Variants in RASA1 observed in about 807,000 individuals in gnomAD.
RASA1 encodes RAS p21 protein activator 1.
RASA1 carries 25 observed loss-of-function variants against 132.2 expected under a neutral mutation model. That is an observed-to-expected ratio of 0.19 (90% CI 0.14 to 0.26). The LOEUF (loss-of-function observed/expected upper bound fraction) is 0.26. Among genes scored for constraint, RASA1 ranks in the 10% least tolerant of loss-of-function variants. The pLI, the probability that RASA1 is intolerant of heterozygous loss-of-function variation, is 1.00. For missense variants in RASA1, 964 were observed against 1,299.2 expected (o/e 0.74, Z 3.97); for synonymous variants, 477 against 449.9 (o/e 1.06, Z -0.76).
chr5:87,386,801 A>G (rs766240127), intron 22 of RASA1, 25 bp from the exon 23 acceptor site: 34 of 1,599,086 alleles, frequency 2.1e-5, no homozygotes, highest in Non-Finnish European at 2.6e-5. Context: ...TCTGGTGCAT[A>G]TAACAGAAGC....
intron 1 of RASA1, among the ~76,000 whole-genome samples, chr5:87,274,908 G>A (rs1753999071): frequency 6.6e-6 from 1 of 152,184 alleles, no homozygotes; most frequent in African/African-American, 2.4e-5. Context: ...CTGGTCTACA[G>A]AACTTTTAGT....
intron 8 of RASA1, 120 bp from the exon 9 acceptor site, chr5:87,353,037 T>G: frequency 1.4e-6 from 1 of 702,474 alleles, no homozygotes; most frequent in Non-Finnish European, 2.6e-6. Flanking sequence ...TGTATTTGTG[T>G]TATGTGCTTT....
intron 23 of RASA1, 41 bp from the exon 24 acceptor site, chr5:87,389,352 A>T (rs374868128): frequency 2.4e-5 from 39 of 1,612,198 alleles, no homozygotes; most frequent in Non-Finnish European, 3.1e-5. Flanking sequence ...AAAAAAAAGA[A>T]GATTTGTATT....
intron 19 of RASA1, among the ~76,000 whole-genome samples, 160 bp downstream of exon 19, chr5:87,380,010 C>A (rs1761598062): frequency 6.6e-6 from 1 of 152,050 alleles, no homozygotes; most frequent in South Asian, 2.1e-4. Context: ...AAGAAAATAG[C>A]TGTCTTAATA....
At chr5:87,352,686 A>T (rs2112430392) in intron 8 of RASA1, among the ~76,000 whole-genome samples, 2 of 151,600 alleles carry the variant, frequency 1.3e-5, no homozygotes, top group Non-Finnish European at 3.0e-5. Context: ...CCTGCTTTTC[A>T]TGTGTTTTAT....
chr5:87,387,913 A>AAGTT (rs1762175776), intron 23 of RASA1, among the ~76,000 whole-genome samples: 1 of 152,296 alleles, frequency 6.6e-6, no homozygotes, highest in South Asian at 2.1e-4. Flanking sequence ...ACTGTGTGAG[A>AAGTT]AGTTATGCCA....
chr5:87,331,477 G>A lies in RASA1; in HGVS notation c.669G>A (p.Gln223=). The A allele has an allele frequency of 6.2e-7, 1 of 1,613,820 alleles. No individual in the cohort carries two copies. The highest frequency in any genetic ancestry group is 8.5e-7 in the Non-Finnish European group (1 of 1,179,828). ...CCTTTGTACTTTCATTTCTTAGCCA[G>A]ATGAATGTTGTCAACCATTTTAGGT... is the stretch of plus-strand genomic sequence containing the variant. ...PGSFVLSFLS[Q]MNVVNHFRII... is the part of the protein sequence containing the mutation. The change falls in exon 2 of 25, where the codon CAG becomes CAA. Residue 223 remains glutamine, a synonymous_variant. Transcript: ENST00000274376.
intron 1 of RASA1, among the ~76,000 whole-genome samples, chr5:87,306,262 A>G (rs1755604801): frequency 6.6e-6 from 1 of 152,238 alleles, no homozygotes; most frequent in Non-Finnish European, 1.5e-5. Context: ...TGTGGTACAT[A>G]TATACCATGG....
chr5:87,291,600 G>GT (rs1474401818), intron 1 of RASA1, among the ~76,000 whole-genome samples: 2 of 152,142 alleles, frequency 1.3e-5, no homozygotes, highest in African/African-American at 2.4e-5. Context: ...GGTGAGAGGG[G>GT]TTTGGGTCAT....
At chr5:87,284,651 A>T (rs1455385181) in intron 1 of RASA1, among the ~76,000 whole-genome samples, 1 of 152,192 alleles carries the variant, frequency 6.6e-6, no homozygotes, top group South Asian at 2.1e-4. Context: ...TCATGTAGTA[A>T]TTCTCCACAT....
intron 17 of RASA1, among the ~76,000 whole-genome samples, chr5:87,377,496 A>T (rs747903976): frequency 2.6e-5 from 4 of 151,956 alleles, no homozygotes; most frequent in Non-Finnish European, 5.9e-5. Context: ...ACACCCAGCT[A>T]ATTTTTTATT....
intron 11 of RASA1, 30 bp downstream of exon 11, chr5:87,363,534 G>A (rs767275500): frequency 1.0e-5 from 16 of 1,596,738 alleles, no homozygotes; most frequent in South Asian, 9.9e-5. Context: ...TTTTTCTTTC[G>A]GAATTGTCTT....
At chr5:87,334,144 G>A (rs891984406) in intron 4 of RASA1, among the ~76,000 whole-genome samples, 1 of 152,126 alleles carries the variant, frequency 6.6e-6, no homozygotes, top group Non-Finnish European at 1.5e-5. Context: ...GATGGAGACA[G>A]TAAAGACCCA....
intron 1 of RASA1, among the ~76,000 whole-genome samples, chr5:87,269,479 CTGAT>C (rs1397788880): frequency 6.6e-6 from 1 of 152,194 alleles, no homozygotes; most frequent in African/African-American, 2.4e-5. Context: ...AGCCCAGCTT[CTGAT>C]TAGAGAAAGC....
intron 11 of RASA1, chr5:87,366,266 TAAGG>T (rs1354999742): frequency 6.9e-6 from 2 of 290,040 alleles, no homozygotes; most frequent in Non-Finnish European, 1.5e-5. Context: ...AGATGAATCT[TAAGG>T]AAGTATTAAG....
At chr5:87,329,381 G>A (rs145012632) in intron 1 of RASA1, among the ~76,000 whole-genome samples, 1 of 152,198 alleles carries the variant, frequency 6.6e-6, no homozygotes, top group African/African-American at 2.4e-5. Context: ...GGTGGGGGTT[G>A]CAGTGAGCTG....
rs148256526 is a variant in RASA1 at position 87,268,925 on chromosome 5, T to A, written c.474T>A (p.Ser158=). 1 of 1,614,170 alleles carries A rather than the reference T, an allele frequency of 6.2e-7. No individual in the cohort carries two copies. Among genetic ancestry groups the A allele is most frequent in the Non-Finnish European group, 8.5e-7 (1 of 1,180,020 alleles). Residue 158 remains serine (S), a synonymous_variant, in exon 1 of 25, where the codon TCT becomes TCA. Transcript: ENST00000274376. The part of the protein sequence containing the change: ...AGLGTVDEGD[S]LDGPEYEEEE... ...TCGGGACAGTGGACGAAGGTGACTC[T>A]CTGGATGGACCAGAATACGAGGAGG... is the stretch of plus-strand genomic sequence containing the variant.
chr5:87,289,359 C>T (rs1754815029), intron 1 of RASA1, among the ~76,000 whole-genome samples: 1 of 152,018 alleles, frequency 6.6e-6, no homozygotes, highest in Non-Finnish European at 1.5e-5. Flanking sequence ...AATACCTTTC[C>T]CTTTATAATT....
intron 1 of RASA1, among the ~76,000 whole-genome samples, chr5:87,287,224 T>A (rs1754644439): frequency 6.8e-6 from 1 of 146,854 alleles, no homozygotes; most frequent in African/African-American, 2.5e-5. Context: ...ACACACCGTA[T>A]ATATACACAC....
Sources: allele counts gnomAD v4.1 joint callset (sites outside exome capture counted in the v4.1 genomes callset), GRCh38; gene constraint gnomAD v4.1.1; transcripts MANE v1.5; gene names NCBI Gene and HGNC (gene_info 2026-07-23, HGNC 2026-07-21).